Variants in PKNOX1 observed in about 807,000 individuals in gnomAD.
PKNOX1 encodes the protein homeobox protein PKNOX1.
Under a neutral mutation model 51.9 loss-of-function variants are expected in PKNOX1, and 15 were observed. That is an observed-to-expected ratio of 0.29 (90% CI 0.19 to 0.45). PKNOX1 has a LOEUF of 0.45. Among genes scored for constraint, PKNOX1 ranks in the 20% least tolerant of loss-of-function variants. PKNOX1 has a pLI of 1.00. For synonymous variants in PKNOX1, 219 were observed against 211.1 expected (o/e 1.04, Z -0.32); for missense variants, 462 against 547.5 (o/e 0.84, Z 1.56).
At chr21:43,018,311 C>G (rs965151619) in intron 7 of PKNOX1, 81 bp downstream of exon 7, 2 of 838,814 alleles carry the variant, frequency 2.4e-6, no homozygotes, top group African/African-American at 3.3e-5. Context: ...ATGAGCCCTT[C>G]CCTCTGCCTG....
intron 1 of PKNOX1, among the ~76,000 whole-genome samples, chr21:42,987,661 C>T (rs1205697511): frequency 1.3e-5 from 2 of 148,516 alleles, no homozygotes; most frequent in South Asian, 2.1e-4. Context: ...CTCTTTCACC[C>T]GGGCTGGAGT....
chr21:42,994,723 A>G (rs1317068805), intron 1 of PKNOX1, among the ~76,000 whole-genome samples: 1 of 152,100 alleles, frequency 6.6e-6, no homozygotes, highest in African/African-American at 2.4e-5. Flanking sequence ...GTACTTCTCA[A>G]AATGGTGATA....
chr21:43,029,035 T>G, intron 10 of PKNOX1, 161 bp downstream of exon 10: 2 of 696,630 alleles, frequency 2.9e-6, no homozygotes, highest in Non-Finnish European at 5.0e-6. Context: ...AGCTGCATTC[T>G]GCGTGCACGG....
chr21:43,005,128 G>C lies in PKNOX1; in HGVS notation c.51+696G>C, dbSNP rs536049400. On this transcript the variant is annotated intron_variant, in intron 2 of 10. Coordinates refer to ENST00000291547, the MANE Select transcript of PKNOX1 (RefSeq NM_004571.5). ...TAAACACGGTGTTCTGAACCCACTG[G>C]CATTTGGCTCATCATCCCACTGACT... 2.0e-5 allele frequency among the ~76,000 whole-genome samples: 3 copies of C among 152,300 alleles called. No individual in the cohort carries two copies. In the South Asian group the frequency reaches 6.2e-4, roughly 32 times the overall value.
rs373371183 is a variant in PKNOX1 at position 43,028,833 on chromosome 21, G to A, written c.1058G>A (p.Gly353Glu). The A allele has an allele frequency of 3.6e-5, 58 of 1,614,050 alleles. No individual in the cohort carries two copies. Among genetic ancestry groups the A allele is most frequent in the Non-Finnish European group, 4.6e-5 (54 of 1,180,046 alleles). ...TTTTGGCCTGATTCTATTGCATCAG[G>A]AGTCGCACAGCCACCGCCGAGCGAG... Reference protein sequence around the residue: ...QRFWPDSIASGVAQPPPSELT... With the variant: ...QRFWPDSIASEVAQPPPSELT... Residue 353 changes from glycine to glutamate, a missense_variant, in exon 10 of 11, where the codon GGA becomes GAA. By Grantham distance (98) the Gly-to-Glu change is moderately conservative. Around this residue, in one of 5 missense-constraint regions of PKNOX1, gnomAD observed 75 missense variants for 129.8 expected, o/e 0.58. Coordinates refer to ENST00000291547, the MANE Select transcript of PKNOX1 (RefSeq NM_004571.5).
In PKNOX1 at chr21:43,009,924, G is replaced by A. The variant is rs918246557; in HGVS notation, c.180-129G>A. On this transcript the variant is annotated intron_variant, in intron 3 of 10. Transcript: ENST00000291547. ...AACCGTTGAATTGCATACTTTCAAC[G>A]GGTGGACCGTGTGGCGTGTGCATTT... 3 of 496,514 alleles carry A rather than the reference G, an allele frequency of 6.0e-6. No homozygotes were observed. The Admixed American group carries it at 1.1e-4, about 19-fold the overall frequency. 30.8% of individuals were successfully genotyped at this position (496,514 alleles called of 1,614,324 possible).
chr21:42,997,760 A>G (rs977592933), intron 1 of PKNOX1, among the ~76,000 whole-genome samples: 1 of 152,192 alleles, frequency 6.6e-6, no homozygotes, highest in Non-Finnish European at 1.5e-5. Context: ...TGGGCGATGC[A>G]TGTTCTCCAC....
chr21:42,978,124 A>G (rs1389711891), intron 1 of PKNOX1, among the ~76,000 whole-genome samples: 5 of 150,250 alleles, frequency 3.3e-5, no homozygotes, highest in African/African-American at 7.4e-5. Context: ...TCTTGCCTCA[A>G]CCTCCCGAGT....
rs183852731 is a variant in PKNOX1 at position 43,013,661 on chromosome 21, T to C, written c.522+423T>C. On this transcript the variant is annotated intron_variant, in intron 5 of 10. Transcript: ENST00000291547. ...CCATCTCCAGAACTTTCTCATCTTC[T>C]CAAACTCAAACTCTGACCCCATTAA... is the stretch of plus-strand genomic sequence containing the variant. Among the ~76,000 whole-genome samples, 169 of 152,242 alleles carry C rather than the reference T, an allele frequency of 1.1e-3. 2 individuals carry two copies. Among genetic ancestry groups the C allele is most frequent in the African/African-American group, 3.9e-3 (161 of 41,538 alleles).
intron 3 of PKNOX1, among the ~76,000 whole-genome samples, chr21:43,008,354 C>T (rs1568897547): frequency 6.6e-6 from 1 of 152,100 alleles, no homozygotes. Context: ...AAATACAGGC[C>T]AATATCCTTC....
chr21:42,992,617 C>G (rs2059092905), intron 1 of PKNOX1, among the ~76,000 whole-genome samples: 1 of 152,162 alleles, frequency 6.6e-6, no homozygotes, highest in Admixed American at 6.5e-5. Context: ...GAGGCGCTTT[C>G]TGAAATCCGT....
chr21:42,974,825 G>A (rs567353916), intron 1 of PKNOX1, among the ~76,000 whole-genome samples, 161 bp downstream of exon 1: 1 of 148,974 alleles, frequency 6.7e-6, no homozygotes, highest in Admixed American at 6.7e-5. Context: ...CCCGCCGCCC[G>A]GGGCAGGGGG....
At position 43,016,997 on chromosome 21, in the gene PKNOX1, G is replaced by A. The variant is rs755477474; in HGVS notation, c.612G>A (p.Ala204=). Residue 204 remains alanine, a synonymous_variant, in exon 6 of 11, where the codon GCG becomes GCA. Coordinates refer to ENST00000291547, the MANE Select transcript of PKNOX1 (RefSeq NM_004571.5). ...TGCAGCAGGGAAACGTAGCCATGGC[G>A]ACGGTGGCAGGTACGATGACAGAAA... ...SALQQGNVAM[A]TVAGGTVYQP... 12 of 1,610,844 alleles carry A rather than the reference G, an allele frequency of 7.4e-6. No individual in the cohort carries two copies. The highest frequency in any genetic ancestry group is 1.7e-4 in the Middle Eastern group (1 of 6,058).
intron 1 of PKNOX1, among the ~76,000 whole-genome samples, chr21:42,999,374 C>T (rs1259464504): frequency 1.3e-5 from 2 of 152,210 alleles, no homozygotes; most frequent in African/African-American, 4.8e-5. Context: ...TCTGAAATGC[C>T]CTGGAGACAT....
At chr21:42,994,273 C>T (rs1393097936) in intron 1 of PKNOX1, among the ~76,000 whole-genome samples, 1 of 13,382 alleles carries the variant, frequency 7.5e-5, no homozygotes, top group Non-Finnish European at 1.6e-4. Flanking sequence ...AACTCCTGAG[C>T]TCAAACGATC....
chr21:43,021,489 C>A lies in PKNOX1; in HGVS notation c.849+58C>A. On this transcript the variant is annotated intron_variant, in intron 8 of 10. Coordinates refer to ENST00000291547, the MANE Select transcript of PKNOX1 (RefSeq NM_004571.5). This position sits in a 1 kb window ranked among gnomAD's most constrained non-coding sequence, Gnocchi z 4.6. The stretch of plus-strand genomic sequence containing the variant: ...GCCCTCTGCGACGCTTGCTCTCTGG[C>A]TTATGTGTCATGGAAAAGGGTTACT... 4.0e-6 allele frequency: 6 copies of A among 1,512,504 alleles called. No homozygotes were observed. The highest frequency in any genetic ancestry group is 3.6e-6 in the Non-Finnish European group (4 of 1,125,652). The allele number at this position is 1,512,504 out of a possible 1,614,324, so 93.7% of individuals were successfully genotyped here.
chr21:43,013,833 C>T (rs1392441561), intron 5 of PKNOX1, among the ~76,000 whole-genome samples: 1 of 152,094 alleles, frequency 6.6e-6, no homozygotes, highest in Non-Finnish European at 1.5e-5. Context: ...TTTCATTGTG[C>T]AGAATGCCTG....
chr21:42,987,897 C>T (rs1443767776), intron 1 of PKNOX1, among the ~76,000 whole-genome samples: 4 of 151,892 alleles, frequency 2.6e-5, no homozygotes, highest in Admixed American at 2.6e-4. Context: ...GGATTACAGG[C>T]GTGAGCCACC....
intron 9 of PKNOX1, among the ~76,000 whole-genome samples, chr21:43,027,041 C>T (rs1980012786): frequency 6.6e-6 from 1 of 152,074 alleles, no homozygotes; most frequent in South Asian, 2.1e-4. Context: ...AAGAAGTTGT[C>T]ACAGTGACAA....
Sources: gnomAD v4.1 joint callset for allele counts (sites outside exome capture counted in the v4.1 genomes callset) on GRCh38, gnomAD v4.1.1 for gene constraint, gnomAD v4.1.1 regional missense constraint, Gnocchi (gnomAD v3.1) non-coding constraint, MANE v1.5 for transcripts, NCBI Gene and HGNC (gene_info 2026-07-23, HGNC 2026-07-21) for gene names.